STX8: variants seen among roughly 807,000 people sequenced by gnomAD.
STX8 encodes syntaxin-8.
STX8 carries 23 observed loss-of-function variants against 37.5 expected under a neutral mutation model. The ratio of observed to expected loss-of-function variants is 0.61; its 90% CI spans 0.44 to 0.87. The LOEUF (loss-of-function observed/expected upper bound fraction) is 0.87. STX8 is among the 40% of genes least tolerant of loss of function. STX8 has a pLI of 0.00. For synonymous variants in STX8, 115 were observed against 99.1 expected (o/e 1.16, Z -0.95); for missense variants, 313 against 284.7 (o/e 1.10, Z -0.71).
intron 4 of STX8, among the ~76,000 whole-genome samples, chr17:9,513,990 T>TA (rs1250499516): frequency 6.6e-6 from 1 of 152,024 alleles, no homozygotes; most frequent in Non-Finnish European, 1.5e-5. Context: ...CTCATAGAAG[T>TA]AAAAAGTAGA....
At chr17:9,376,913 T>C (rs1207396663) in intron 7 of STX8, among the ~76,000 whole-genome samples, 2 of 152,186 alleles carry the variant, frequency 1.3e-5, no homozygotes, top group Non-Finnish European at 2.9e-5. Flanking sequence ...GGATCTATCA[T>C]AGATAACAAA....
At chr17:9,310,148 G>A (rs1909139470) in intron 7 of STX8, among the ~76,000 whole-genome samples, 3 of 143,036 alleles carry the variant, frequency 2.1e-5, no homozygotes, top group African/African-American at 9.1e-5. Context: ...GCAAAAGGGG[G>A]AAAAAAAACA....
At chr17:9,302,638 C>CTGAAGTGTAGCCA (rs1241139455) in intron 7 of STX8, among the ~76,000 whole-genome samples, 2 of 152,130 alleles carry the variant, frequency 1.3e-5, no homozygotes, top group Non-Finnish European at 2.9e-5. Context: ...TTTTCCGCTT[C>CTGAAGTGTAGCCA]TGAAGTGTAG....
chr17:9,400,403 T>C (rs1912565438), intron 6 of STX8, among the ~76,000 whole-genome samples: 2 of 135,932 alleles, frequency 1.5e-5, no homozygotes, highest in Non-Finnish European at 3.2e-5. Context: ...CCAGGCTTAT[T>C]TATTTATTTT....
At chr17:9,362,835 A>AT (rs1911105022) in intron 7 of STX8, among the ~76,000 whole-genome samples, 2 of 139,856 alleles carry the variant, frequency 1.4e-5, no homozygotes, top group African/African-American at 5.8e-5. Flanking sequence ...TCTCAAAAAA[A>AT]AAAAAAAATA....
Sources: allele counts gnomAD v4.1 joint callset (sites outside exome capture counted in the v4.1 genomes callset), GRCh38; gene constraint gnomAD v4.1.1; transcripts MANE v1.5; gene names NCBI Gene and HGNC (gene_info 2026-07-23, HGNC 2026-07-21).